The following TLCD4 variants were observed in gnomAD, a reference collection of about 807,000 sequenced individuals.
TLCD4 encodes TLC domain containing 4, also known as TLC domain-containing protein 4.
Under a neutral mutation model 24.2 loss-of-function variants are expected in TLCD4, and 7 were observed. That is an observed-to-expected ratio of 0.29 (90% CI 0.16 to 0.54). The LOEUF (loss-of-function observed/expected upper bound fraction) is 0.54. Among genes scored for constraint, TLCD4 ranks in the 20% least tolerant of loss-of-function variants. The pLI is 0.95. For synonymous variants in TLCD4, 103 were observed against 106.4 expected, an observed-to-expected ratio of 0.97 and a Z score of 0.20; for missense variants, 259 against 313.9, an observed-to-expected ratio of 0.82 and a Z score of 1.32.
chr1:95,102,518 G>C, the TLCD4 span, among the ~76,000 whole-genome samples: 1 of 152,108 alleles, frequency 6.6e-6, no homozygotes, highest in Non-Finnish European at 1.5e-5. Flanking sequence ...GAAAGGAGGA[G>C]GGATCATGAG....
At chr1:95,146,117 AAG>A (rs1408221794) in intron 2 of TLCD4, among the ~76,000 whole-genome samples, 7 of 152,060 alleles carry the variant, frequency 4.6e-5, no homozygotes, top group African/African-American at 1.7e-4. Context: ...GTGATCAGGA[AAG>A]AGTCTCTAAA....
Position 95,196,074 on chromosome 1 carries a change from A to C in TLCD4, c.*4206A>C, listed in dbSNP as rs1175950853. ...AGCTCAGACAAATCATGACTTATTAAGAGACTACAGGAAGCCATTCAGCAT... is the reference window on the plus strand; with the variant it reads ...AGCTCAGACAAATCATGACTTATTACGAGACTACAGGAAGCCATTCAGCAT... On this transcript the variant is annotated 3_prime_UTR_variant, in exon 7 of 7. Coordinates refer to ENST00000370203, the MANE Select transcript of TLCD4 (RefSeq NM_152487.3). The C allele has an allele frequency of 6.6e-6, 1 of 152,206 alleles. No individual in the cohort carries two copies. Among genetic ancestry groups the C allele is most frequent in the Non-Finnish European group, 1.5e-5 (1 of 68,022 alleles). The allele number at this position is 152,206 out of a possible 1,614,324, so 9.4% of individuals were successfully genotyped here.
At chr1:95,109,912 CATATATATAT>C in the TLCD4 span, among the ~76,000 whole-genome samples, 9,297 of 80,084 alleles carry the variant, frequency 0.12, 698 homozygotes, top group African/African-American at 0.18. Context: ...TGTGTGTATG[CATATATATAT>C]ATATATATAT....
At chr1:95,156,876 A>G (rs1247439905) in intron 5 of TLCD4, among the ~76,000 whole-genome samples, 2 of 152,170 alleles carry the variant, frequency 1.3e-5, no homozygotes, top group Non-Finnish European at 2.9e-5. Flanking sequence ...CCCAGGGGAA[A>G]GTGGCCCATA....
chr1:95,128,586 G>T lies in TLCD4; in HGVS notation c.-12+10969G>T, dbSNP rs1046011694. Among the ~76,000 whole-genome samples the T allele has an allele frequency of 4.2e-4, 64 of 152,274 alleles. 1 individual carries two copies. The highest frequency in any genetic ancestry group is 3.9e-4 in the East Asian group (2 of 5,184). ...GGAACAGCAGGAATTTTCAGGGAGG[G>T]GTTAAAGAGGTGGGATAGCCTCCTA... On this transcript the variant is annotated intron_variant, in intron 1 of 6. Coordinates refer to ENST00000370203, the MANE Select transcript of TLCD4 (RefSeq NM_152487.3).
chr1:95,159,395 A>G (rs1571753406), intron 5 of TLCD4, among the ~76,000 whole-genome samples: 3 of 152,220 alleles, frequency 2.0e-5, no homozygotes, highest in East Asian at 3.9e-4. Context: ...TTCTTTGTAG[A>G]TTCTGGATAT....
chr1:95,108,241 T>C, the TLCD4 span, among the ~76,000 whole-genome samples: 1 of 152,196 alleles, frequency 6.6e-6, no homozygotes, highest in Non-Finnish European at 1.5e-5. Flanking sequence ...TTTTGCCAGG[T>C]AGTAGTTTCT....
At chr1:95,144,134 A>C in intron 2 of TLCD4, 78 bp downstream of exon 2, 1 of 1,256,532 alleles carries the variant, frequency 8.0e-7, no homozygotes, top group Non-Finnish European at 1.0e-6. Flanking sequence ...TCAAAAAAGT[A>C]TTTCATTTAG....
intron 1 of TLCD4, among the ~76,000 whole-genome samples, chr1:95,131,978 G>A (rs924584791): frequency 9.2e-5 from 14 of 152,066 alleles, no homozygotes; most frequent in African/African-American, 3.1e-4. Flanking sequence ...TTTGAGAGTG[G>A]GTTATTATAA....
At chr1:95,125,093 T>A (rs556090158) in intron 1 of TLCD4, among the ~76,000 whole-genome samples, 1 of 152,328 alleles carries the variant, frequency 6.6e-6, no homozygotes, top group Non-Finnish European at 1.5e-5. Flanking sequence ...TCACTTCCCA[T>A]GAGTTATCTG....
intron 6 of TLCD4, among the ~76,000 whole-genome samples, chr1:95,179,780 CCTT>C (rs943867021): frequency 3.3e-5 from 5 of 152,288 alleles, no homozygotes; most frequent in African/African-American, 2.4e-5. Flanking sequence ...TGTCTTATCT[CCTT>C]CTGCCACATG....
chr1:95,118,257 C>T (rs1676483808), intron 1 of TLCD4, among the ~76,000 whole-genome samples: 1 of 152,146 alleles, frequency 6.6e-6, no homozygotes, highest in Non-Finnish European at 1.5e-5. Context: ...CCATCTTTAC[C>T]TCTGTAACCC....
At chr1:95,164,399 C>T (rs1011894152) in intron 5 of TLCD4, 2 of 152,314 alleles carry the variant, frequency 1.3e-5, no homozygotes, top group African/African-American at 4.8e-5. Flanking sequence ...TACCATCTGC[C>T]ACAGCTTCCC....
At chr1:95,095,334 A>C in the TLCD4 span, among the ~76,000 whole-genome samples, 5 of 152,194 alleles carry the variant, frequency 3.3e-5, no homozygotes, top group Non-Finnish European at 5.9e-5. Context: ...CTACCTTCAT[A>C]TGTCAGCTCT....
intron 6 of TLCD4, among the ~76,000 whole-genome samples, chr1:95,175,864 C>G (rs1678405449): frequency 6.6e-6 from 1 of 151,934 alleles, no homozygotes; most frequent in Admixed American, 6.6e-5. Flanking sequence ...CAGCCTTGAC[C>G]TCTCAGGCTC....
intron 6 of TLCD4, among the ~76,000 whole-genome samples, chr1:95,186,314 C>T (rs538188263): frequency 1.3e-5 from 2 of 152,180 alleles, no homozygotes; most frequent in African/African-American, 4.8e-5. Context: ...AGCACCCTAG[C>T]TACTCTTCAC....
At chr1:95,113,506 G>A (rs1465148260), upstream of TLCD4, among the ~76,000 whole-genome samples, 1 of 152,134 alleles carries the variant, frequency 6.6e-6, no homozygotes, top group African/African-American at 2.4e-5. Context: ...CTGTTACAAG[G>A]TTATCATTTA....
chr1:95,132,476 AAAGT>A (rs1676924852), intron 1 of TLCD4, among the ~76,000 whole-genome samples: 2 of 151,344 alleles, frequency 1.3e-5, no homozygotes, highest in Non-Finnish European at 2.9e-5. Context: ...AAAAAAAAAA[AAAGT>A]AGTCTCAGAT....
At chr1:95,111,392 CCTTT>C in the TLCD4 span, among the ~76,000 whole-genome samples, 2 of 151,756 alleles carry the variant, frequency 1.3e-5, no homozygotes, top group African/African-American at 4.8e-5. Flanking sequence ...GTTCTGGATC[CCTTT>C]CTGTTATTAA....
Sources: allele counts gnomAD v4.1 joint callset (sites outside exome capture counted in the v4.1 genomes callset), GRCh38; gene constraint gnomAD v4.1.1; transcripts MANE v1.5; gene names NCBI Gene and HGNC (gene_info 2026-07-23, HGNC 2026-07-21).